KIAA2012: variants seen among roughly 807,000 people sequenced by gnomAD.
KIAA2012 encodes KIAA2012.
Under a neutral mutation model 150.6 loss-of-function variants are expected in KIAA2012, and 125 were observed. The observed-to-expected ratio is 0.83, with a 90% confidence interval of 0.72 to 0.96. The LOEUF (loss-of-function observed/expected upper bound fraction) is 0.96. KIAA2012 is among the 40% of genes least tolerant of loss of function. The pLI is 0.00. For synonymous variants in KIAA2012, 462 were observed against 504.7 expected (o/e 0.92, Z 1.13); for missense variants, 1,219 against 1,354.9 (o/e 0.90, Z 1.57).
chr2:202,086,029 G>A (rs1689559926), intron 2 of KIAA2012, among the ~76,000 whole-genome samples: 1 of 151,994 alleles, frequency 6.6e-6, no homozygotes, highest in Non-Finnish European at 1.5e-5. Flanking sequence ...TTAGCCAGAT[G>A]TAGTGTTGGG....
In KIAA2012 at chr2:202,190,189, C is replaced by G; in HGVS notation, c.2507C>G (p.Ser836Ter). ...AEAAIGKSKD[S>*]KAKKKLEKKT... The stretch of plus-strand genomic sequence containing the variant: ...TCTCCCCCAGGAAAGTCAAAGGACT[C>G]AAAGGCTAAAAAAAAATTAGAAAAA... Residue 836 changes from serine to a stop codon, truncating the protein, a stop_gained, in exon 19 of 24, where the codon TCA becomes TGA. Coordinates refer to ENST00000498697, the MANE Select transcript of KIAA2012 (RefSeq NM_001277372.4). LOFTEE classifies it high-confidence loss of function. 2.0e-6 allele frequency: 3 copies of G among 1,519,274 alleles called. No individual in the cohort carries two copies. The highest frequency in any genetic ancestry group is 2.6e-6 in the Non-Finnish European group (3 of 1,139,184). The allele number at this position is 1,519,274 out of a possible 1,614,324, so 94.1% of individuals were successfully genotyped here.
chr2:202,143,693 A>T (rs776687240), intron 13 of KIAA2012, among the ~76,000 whole-genome samples: 1 of 152,202 alleles, frequency 6.6e-6, no homozygotes, highest in African/African-American at 2.4e-5. Context: ...CAGCAAGCTG[A>T]ACGGGGTCAA....
At chr2:202,078,718 T>C (rs377498828) in intron 2 of KIAA2012, among the ~76,000 whole-genome samples, 1 of 152,208 alleles carries the variant, frequency 6.6e-6, no homozygotes, top group Non-Finnish European at 1.5e-5. Context: ...GTATAATTCA[T>C]TTATGCTTTC....
intron 8 of KIAA2012, 70 bp from the exon 9 acceptor site, chr2:202,105,691 C>A: frequency 6.6e-7 from 1 of 1,510,246 alleles, no homozygotes. Context: ...GGGATAGGTC[C>A]CCAAAAGAAG....
Position 202,093,007 on chromosome 2 carries a change from A to C in KIAA2012, c.530-23A>C, listed in dbSNP as rs538612588. The C allele has an allele frequency of 2.6e-6, 4 of 1,538,722 alleles. No individual in the cohort carries two copies. The South Asian group carries it at 4.9e-5, about 19-fold the overall frequency. On this transcript the variant is annotated intron_variant, in intron 3 of 23. Coordinates refer to ENST00000498697, the MANE Select transcript of KIAA2012 (RefSeq NM_001277372.4). ...AAGTTGGCTACCACTATTTCTATCA[A>C]TATCTCCTGATCTACTCTTCAGGAT...
In KIAA2012 at chr2:202,099,753, A is replaced by G; in HGVS notation, c.969A>G (p.Thr323=). ...SWLPSDKSHI[T]FCGGAFPNRK... is the part of the protein sequence containing the mutation. ...TCCCAAGTGACAAATCCCACATTAC[A>G]TTCTGTGGAGGCGCCTTCCCTAATA... Residue 323 remains threonine, a synonymous_variant, in exon 6 of 24, where the codon ACA becomes ACG. Transcript: ENST00000498697. 6.4e-7 allele frequency: 1 copy of G among 1,550,428 alleles called. No homozygotes were observed. Among genetic ancestry groups the G allele is most frequent in the East Asian group, 2.4e-5 (1 of 40,912 alleles).
At chr2:202,171,700 G>A (rs1420266527) in intron 15 of KIAA2012, among the ~76,000 whole-genome samples, 2 of 152,178 alleles carry the variant, frequency 1.3e-5, no homozygotes, top group Non-Finnish European at 1.5e-5. Flanking sequence ...TGAAAAGCAG[G>A]CACGCATAGT....
At chr2:202,086,747 C>T (rs1340031890) in intron 2 of KIAA2012, among the ~76,000 whole-genome samples, 1 of 152,164 alleles carries the variant, frequency 6.6e-6, no homozygotes, top group African/African-American at 2.4e-5. Context: ...GAACCTTGAA[C>T]CCATGCACTC....
intron 4 of KIAA2012, among the ~76,000 whole-genome samples, chr2:202,094,256 C>A (rs1689805389): frequency 6.6e-6 from 1 of 152,200 alleles, no homozygotes; most frequent in Admixed American, 6.5e-5. Flanking sequence ...GCACTGCAGC[C>A]TGGATGACAA....
intron 12 of KIAA2012, among the ~76,000 whole-genome samples, chr2:202,126,676 A>G (rs1334360308): frequency 6.6e-6 from 1 of 152,050 alleles, no homozygotes; most frequent in East Asian, 1.9e-4. Context: ...CTGTTGTTAT[A>G]TATTCCTGAT....
chr2:202,140,698 A>T (rs1364662832), intron 13 of KIAA2012, among the ~76,000 whole-genome samples: 1 of 152,162 alleles, frequency 6.6e-6, no homozygotes, highest in Non-Finnish European at 1.5e-5. Flanking sequence ...GTTTATTATA[A>T]AGCATCTGGA....
chr2:202,107,133 T>C (rs1690217150), intron 9 of KIAA2012, among the ~76,000 whole-genome samples: 1 of 152,112 alleles, frequency 6.6e-6, no homozygotes, highest in Non-Finnish European at 1.5e-5. Flanking sequence ...CTCACTAGGA[T>C]TGGAGCTCAG....
At chr2:202,076,871 C>G (rs1689335613) in intron 2 of KIAA2012, 1 of 430,902 alleles carries the variant, frequency 2.3e-6, no homozygotes, top group African/African-American at 2.0e-5. Context: ...CTCTGCATCA[C>G]AGGCAGGTTG....
At chr2:202,163,808 TC>T (rs71025282) in intron 14 of KIAA2012, among the ~76,000 whole-genome samples, 16,255 of 57,800 alleles carry the variant, frequency 0.28, 2,570 homozygotes, top group Non-Finnish European at 0.34. Context: ...TTTTTTTTTT[TC>T]CTGTACCAGG....
chr2:202,190,267 C>T lies in KIAA2012; in HGVS notation c.2585C>T (p.Ala862Val), dbSNP rs941675909. The T allele has an allele frequency of 2.0e-5, 31 of 1,550,240 alleles. No homozygotes were observed. In the African/African-American group the frequency reaches 2.2e-4, roughly 11 times the overall value. The change falls in exon 19 of 24, where the codon GCG (alanine) becomes GTG (valine). Residue 862 changes from alanine (A) to valine (V), a missense_variant. Coordinates refer to ENST00000498697, the MANE Select transcript of KIAA2012 (RefSeq NM_001277372.4). ...RTQKERNLEI[A>V]AELSGPDVSY... ...CAGAAGGAAAGAAATCTGGAGATAG[C>T]GGCAGAGCTGAGCGGGCCTGATGTC...
chr2:202,120,267 T>C (rs941713795), intron 11 of KIAA2012, among the ~76,000 whole-genome samples: 2 of 152,160 alleles, frequency 1.3e-5, no homozygotes, highest in African/African-American at 4.8e-5. Flanking sequence ...TCCCACCTAC[T>C]CCAGGGGCTG....
chr2:202,189,359 T>G (rs1692285795), intron 18 of KIAA2012, among the ~76,000 whole-genome samples: 1 of 151,638 alleles, frequency 6.6e-6, no homozygotes, highest in Non-Finnish European at 1.5e-5. Context: ...TGGCATGATC[T>G]CGGCTCACTG....
chr2:202,121,931 A>T (rs73055520), intron 11 of KIAA2012, among the ~76,000 whole-genome samples: 5,499 of 152,320 alleles, frequency 0.036, 314 homozygotes, highest in African/African-American at 0.12. Flanking sequence ...TTACAGAGGA[A>T]GTTCCATTTA....
chr2:202,194,192 T>C lies in KIAA2012; in HGVS notation c.3017T>C (p.Leu1006Ser). The change falls in exon 21 of 24, where the codon TTG (leucine) becomes TCG (serine). Residue 1006 changes from leucine to serine, a missense_variant and splice_region_variant. By Grantham distance (145) the Leu-to-Ser change is moderately radical. Coordinates refer to ENST00000498697, the MANE Select transcript of KIAA2012 (RefSeq NM_001277372.4). ...EQQRRTEEIR[L>S]RKQRLQEEQQ... ...CTGACCATCTTGGGTTTTCTCAGCT[T>C]GAGGAAACAGAGACTCCAAGAAGAA... 6.5e-7 allele frequency: 1 copy of C among 1,550,330 alleles called. No individual in the cohort carries two copies. The highest frequency in any genetic ancestry group is 8.7e-7 in the Non-Finnish European group (1 of 1,146,868).
Sources: gnomAD v4.1 joint callset for allele counts (sites outside exome capture counted in the v4.1 genomes callset) on GRCh38, gnomAD v4.1.1 for gene constraint, MANE v1.5 for transcripts, NCBI Gene and HGNC (gene_info 2026-07-23, HGNC 2026-07-21) for gene names.